Variants in CDH23 observed in about 807,000 individuals in gnomAD.
CDH23 encodes the protein cadherin related 23.
A neutral mutation model predicts 317.1 loss-of-function variants in CDH23; 189 were observed. The ratio of observed to expected loss-of-function variants is 0.60; its 90% CI spans 0.53 to 0.67. The LOEUF is 0.67. Among genes scored for constraint, CDH23 ranks in the 30% least tolerant of loss-of-function variants. The pLI, the probability that CDH23 is intolerant of heterozygous loss-of-function variation, is 0.00. For missense variants in CDH23, 4,401 were observed against 4,592.4 expected (o/e 0.96, Z 1.20); for synonymous variants, 1,839 against 1,876.8 (o/e 0.98, Z 0.52).
At chr10:71,718,789 A>C (rs1376912369) in intron 28 of CDH23, among the ~76,000 whole-genome samples, 2 of 152,196 alleles carry the variant, frequency 1.3e-5, no homozygotes, top group African/African-American at 4.8e-5. Flanking sequence ...AAGTGAGGCC[A>C]GGCGTGTTGG....
intron 14 of CDH23, among the ~76,000 whole-genome samples, chr10:71,647,340 G>A (rs1045843735): frequency 6.6e-6 from 1 of 152,180 alleles, no homozygotes; most frequent in Non-Finnish European, 1.5e-5. Context: ...GCACACGCCT[G>A]TAGTCCCAGC....
chr10:71,568,363 C>T (rs1857529855), intron 7 of CDH23, among the ~76,000 whole-genome samples: 1 of 152,214 alleles, frequency 6.6e-6, no homozygotes, highest in Non-Finnish European at 1.5e-5. Flanking sequence ...TTGCACACAC[C>T]AGGGCCCAGA....
At chr10:71,667,357 A>T (rs1211284059) in intron 14 of CDH23, among the ~76,000 whole-genome samples, 2 of 90,826 alleles carry the variant, frequency 2.2e-5, no homozygotes, top group African/African-American at 8.0e-5. Context: ...AAAGAGAGAG[A>T]GAGTGTGTGT....
intron 1 of CDH23, among the ~76,000 whole-genome samples, chr10:71,413,576 T>A (rs1223403047): frequency 6.6e-6 from 1 of 152,224 alleles, no homozygotes; most frequent in Non-Finnish European, 1.5e-5. Flanking sequence ...TGGGCAGTAG[T>A]GTATCTGAAC....
At position 71,712,705 on chromosome 10, in the gene CDH23, C is replaced by T. The variant is rs779296930; in HGVS notation, c.3261C>T (p.Thr1087=). The T allele has an allele frequency of 2.7e-5, 43 of 1,613,586 alleles. No individual in the cohort carries two copies. The highest frequency in any genetic ancestry group is 2.3e-4 in the Admixed American group (14 of 59,992). Residue 1087 remains threonine (T), a synonymous_variant, in exon 28 of 70, where the codon ACC becomes ACT. Coordinates refer to ENST00000224721, the MANE Select transcript of CDH23 (RefSeq NM_022124.6). ...GGAAGCGACACACGGGCACAGCCAC[C>T]GTGTTCGTCACTGTCCTGGATGTGA... ...PVGKRHTGTA[T]VFVTVLDVND...
At chr10:71,578,864 T>G (rs971925444) in intron 9 of CDH23, among the ~76,000 whole-genome samples, 1 of 152,138 alleles carries the variant, frequency 6.6e-6, no homozygotes, top group Non-Finnish European at 1.5e-5. Context: ...CTCCCTACCA[T>G]ACCCCCACAT....
chr10:71,766,287 G>T (rs1329163174), intron 38 of CDH23, among the ~76,000 whole-genome samples: 1 of 152,176 alleles, frequency 6.6e-6, no homozygotes, highest in Non-Finnish European at 1.5e-5. Context: ...AAATGACCCG[G>T]GGCCTGGGCC....
chr10:71,501,010 G>C (rs933670047), intron 3 of CDH23, among the ~76,000 whole-genome samples: 1 of 151,946 alleles, frequency 6.6e-6, no homozygotes, highest in Admixed American at 6.6e-5. Context: ...TGGGATTACA[G>C]GCCTGTGACA....
intron 14 of CDH23, among the ~76,000 whole-genome samples, chr10:71,653,573 C>G (rs1021929323): frequency 6.6e-6 from 1 of 152,228 alleles, no homozygotes; most frequent in Non-Finnish European, 1.5e-5. Context: ...AACCCCAGTT[C>G]CTCCCTGGTC....
intron 1 of CDH23, among the ~76,000 whole-genome samples, chr10:71,416,571 G>A (rs111367519): frequency 2.6e-5 from 4 of 152,284 alleles, no homozygotes; most frequent in African/African-American, 7.2e-5. Flanking sequence ...TTCCTTTGGA[G>A]TAATTTTCTC....
chr10:71,711,073 C>T (rs1865952025), intron 27 of CDH23, among the ~76,000 whole-genome samples: 1 of 152,190 alleles, frequency 6.6e-6, no homozygotes, highest in African/African-American at 2.4e-5. Context: ...CCATCAATCC[C>T]TTCCCAGCCC....
chr10:71,508,491 T>C (rs1020146217), intron 3 of CDH23, among the ~76,000 whole-genome samples: 1 of 152,190 alleles, frequency 6.6e-6, no homozygotes, highest in African/African-American at 2.4e-5. Context: ...ACTGAATTAG[T>C]GCATGGAAAT....
In CDH23 at chr10:71,578,147, G is replaced by T. The variant is rs375549663; in HGVS notation, c.832+155G>T. Among the ~76,000 whole-genome samples, 13 of 152,314 alleles carry T rather than the reference G, an allele frequency of 8.5e-5. No individual in the cohort carries two copies. The East Asian group carries it at 1.2e-3, about 14-fold the overall frequency. ...CTACAGGGACAGTCCTCGCCAAAGG[G>T]CCAGGAAGGTGACTGAGTGAAGGCA... On this transcript the variant is annotated intron_variant, in intron 9 of 69. Transcript: ENST00000224721.
At chr10:71,439,381 C>T (rs1269596730) in intron 1 of CDH23, among the ~76,000 whole-genome samples, 7 of 152,194 alleles carry the variant, frequency 4.6e-5, no homozygotes, top group African/African-American at 7.2e-5. Flanking sequence ...CCTGTTAGAC[C>T]GCTGTCTTCC....
intron 1 of CDH23, among the ~76,000 whole-genome samples, chr10:71,408,934 C>T (rs917156213): frequency 2.0e-5 from 3 of 152,204 alleles, no homozygotes; most frequent in South Asian, 2.1e-4. Context: ...TTGATGCAGA[C>T]GGCCTTGGCC....
intron 6 of CDH23, among the ~76,000 whole-genome samples, chr10:71,554,786 A>G (rs1175216909): frequency 6.7e-6 from 1 of 150,124 alleles, no homozygotes; most frequent in Non-Finnish European, 1.5e-5. Context: ...AACTCATTTT[A>G]TCTCCACCCC....
chr10:71,811,685 T>A (rs753354931), intron 64 of CDH23, 28 bp from the exon 65 acceptor site: 17 of 1,612,556 alleles, frequency 1.1e-5, no homozygotes, highest in Non-Finnish European at 1.2e-5. Context: ...TTGGCCCCCC[T>A]CACCAGCCCC....
At chr10:71,427,232 A>AGAAAGAAAGAAAGAAAGAAAGG (rs1564572936) in intron 1 of CDH23, among the ~76,000 whole-genome samples, 3 of 85,194 alleles carry the variant, frequency 3.5e-5, no homozygotes, top group African/African-American at 1.5e-4. Context: ...AAAGAAAGAA[A>AGAAAGAAAGAAAGAAAGAAAGG]GAAAGAAAGA....
At chr10:71,738,780 C>A in intron 35 of CDH23, 133 bp downstream of exon 35, 12 of 1,172,142 alleles carry the variant, frequency 1.0e-5, no homozygotes, top group African/African-American at 1.5e-5. Flanking sequence ...CCTGCAATCA[C>A]CCAGTCTGTG....
Sources: allele counts gnomAD v4.1 joint callset (sites outside exome capture counted in the v4.1 genomes callset), GRCh38; gene constraint gnomAD v4.1.1; transcripts MANE v1.5; gene names NCBI Gene and HGNC (gene_info 2026-07-23, HGNC 2026-07-21).